Variants in MSL2 observed in about 807,000 individuals in gnomAD.
The protein encoded by MSL2 is MSL complex subunit 2, also known as E3 ubiquitin-protein ligase MSL2.
In MSL2, 2 loss-of-function variants were observed where a neutral mutation model predicts 35.8. The ratio of observed to expected loss-of-function variants is 0.06; its 90% confidence interval spans 0.02 to 0.18. The LOEUF (loss-of-function observed/expected upper bound fraction) is 0.18, where lower values mean the gene tolerates loss of function less well. Ranked by LOEUF, MSL2 falls within the 10% of genes least tolerant of loss-of-function variation. The pLI is 1.00. For synonymous variants in MSL2, 296 were observed against 255.7 expected (o/e 1.16, Z -1.50); for missense variants, 523 against 706.7 (o/e 0.74, Z 2.95).
intron 1 of MSL2, among the ~76,000 whole-genome samples, chr3:136,176,868 T>C (rs988425716): frequency 6.6e-6 from 1 of 152,114 alleles, no homozygotes; most frequent in Non-Finnish European, 1.5e-5. Flanking sequence ...TATCTTTTCT[T>C]TATAAATTAC....
At chr3:136,194,000 C>A (rs575454633) in intron 1 of MSL2, among the ~76,000 whole-genome samples, 1 of 152,278 alleles carries the variant, frequency 6.6e-6, no homozygotes, top group South Asian at 2.1e-4. Context: ...ACTCTTCTTC[C>A]TTTATCTACT....
intron 1 of MSL2, among the ~76,000 whole-genome samples, chr3:136,173,225 T>C (rs1327141092): frequency 1.3e-5 from 2 of 152,156 alleles, no homozygotes; most frequent in East Asian, 3.9e-4. Flanking sequence ...TGATTGCCCA[T>C]AAAGCTGTTT....
rs558555086 is a variant in MSL2, at chr3:136,166,994, T to C, written c.143-14256A>G. On this transcript the variant is annotated intron_variant, in intron 1 of 1. Coordinates refer to ENST00000309993, the MANE Select transcript of MSL2 (RefSeq NM_018133.4). ...AATTCTCCATTCTAACTGAAGTATT[T>C]AATGTCACAAATACTTTGACCAGAT... Among the ~76,000 whole-genome samples the C allele has an allele frequency of 7.9e-5, 12 of 152,320 alleles. No homozygotes were observed. In the East Asian group the frequency reaches 2.3e-3, roughly 29 times the overall value.
intron 1 of MSL2, among the ~76,000 whole-genome samples, chr3:136,163,370 G>A (rs1939762197): frequency 6.6e-6 from 1 of 152,166 alleles, no homozygotes. Context: ...AGCACTATGT[G>A]TGTGTGTATT....
intron 1 of MSL2, chr3:136,155,888 G>A: frequency 1.7e-6 from 1 of 575,054 alleles, no homozygotes; most frequent in Non-Finnish European, 3.5e-6. Context: ...ACCTGGCTGT[G>A]ATGGCCTTGT....
intron 1 of MSL2, among the ~76,000 whole-genome samples, chr3:136,163,859 G>T (rs1255320808): frequency 6.6e-6 from 1 of 152,158 alleles, no homozygotes; most frequent in African/African-American, 2.4e-5. Context: ...CTGCCACCAT[G>T]TGAAGAAGGT....
intron 1 of MSL2, among the ~76,000 whole-genome samples, chr3:136,184,067 G>A (rs561164538): frequency 4.0e-5 from 6 of 151,534 alleles, no homozygotes; most frequent in South Asian, 2.1e-4. Context: ...AGGCAAAGGC[G>A]GGCGGATCAC....
In MSL2 at chr3:136,148,949, T is replaced by C. The variant is rs945520589; in HGVS notation, c.*2198A>G. On this transcript the variant is annotated 3_prime_UTR_variant, in exon 2 of 2. Transcript: ENST00000309993. ...AGAAAACTATCATTTATTGATAGATTTAAGGTGTAATACAGGTTTCCAAAA... is the reference window on the plus strand; with the variant it reads ...AGAAAACTATCATTTATTGATAGATCTAAGGTGTAATACAGGTTTCCAAAA... The C allele has an allele frequency of 6.6e-6, 1 of 152,566 alleles. No individual in the cohort carries two copies. Among genetic ancestry groups the C allele is most frequent in the Non-Finnish European group, 1.5e-5 (1 of 68,014 alleles). The allele number at this position is 152,566 out of a possible 1,614,324, so 9.5% of individuals were successfully genotyped here. A position where few individuals can be genotyped will look rare whatever the true frequency, so the allele number is the denominator to read the frequency against.
chr3:136,184,156 G>A (rs567241748), intron 1 of MSL2, among the ~76,000 whole-genome samples: 146 of 152,108 alleles, frequency 9.6e-4, no homozygotes, highest in African/African-American at 3.3e-3. Context: ...TTAGCCGGGC[G>A]TTGACGGTGG....
At chr3:136,184,860 CAAT>C (rs1046023690) in intron 1 of MSL2, among the ~76,000 whole-genome samples, 2 of 151,728 alleles carry the variant, frequency 1.3e-5, no homozygotes, top group African/African-American at 4.9e-5. Context: ...TGATGCTAGC[CAAT>C]AATGGAATGC....
chr3:136,188,183 C>A (rs954085485), intron 1 of MSL2, among the ~76,000 whole-genome samples: 2 of 152,078 alleles, frequency 1.3e-5, no homozygotes, highest in African/African-American at 4.8e-5. Context: ...ACCTGTAATC[C>A]CACCACTTTG....
Position 136,195,028 on chromosome 3 carries a change from G to A in MSL2, c.86C>T (p.Thr29Ile). 2 of 1,614,160 alleles carry A rather than the reference G, an allele frequency of 1.2e-6. No individual in the cohort carries two copies. The highest frequency in any genetic ancestry group is 1.1e-5 in the South Asian group (1 of 91,072). Residue 29 changes from threonine (T) to isoleucine (I), a missense_variant, in exon 1 of 2, where the codon ACT (threonine) becomes ATT (isoleucine). Around this residue, in one of 5 missense-constraint regions of MSL2, gnomAD observed 45 missense variants for 47.5 expected, o/e 0.95. Transcript: ENST00000309993. The stretch of plus-strand genomic sequence containing the variant: ...GTAAGGCAAGAGCCTGTTAATCTCA[G>A]TAAACGCCTTGGGGTCTCCGGGGTC... ...NYDPGDPKAF[T>I]EINRLLPYFR...
rs761344261 is a variant in MSL2 at position 136,152,747 on chromosome 3, G to A, written c.143-9C>T. The A allele has an allele frequency of 5.6e-6, 9 of 1,604,828 alleles. No individual in the cohort carries two copies. Among genetic ancestry groups the A allele is most frequent in the South Asian group, 3.3e-5 (3 of 90,378 alleles). ...ATCTTGTAGCAAATGTCCTAAGGGGGAGAAGGAGGAAAGCAAAGATTTTAG... is the reference window on the plus strand; with the variant it reads ...ATCTTGTAGCAAATGTCCTAAGGGGAAGAAGGAGGAAAGCAAAGATTTTAG... On this transcript the variant is annotated splice_polypyrimidine_tract_variant and intron_variant, in intron 1 of 1. Coordinates refer to ENST00000309993, the MANE Select transcript of MSL2 (RefSeq NM_018133.4).
Position 136,149,205 on chromosome 3 carries a change from T to G in MSL2, c.*1942A>C, listed in dbSNP as rs1442391815. On this transcript the variant is annotated 3_prime_UTR_variant, in exon 2 of 2. Coordinates refer to ENST00000309993, the MANE Select transcript of MSL2 (RefSeq NM_018133.4). Reference sequence around the variant, plus strand: ...TTTTAAGATCATAATATTAGGAAAGTTTGGTCGATTTGCAAAATATATCCT... The same window carrying G: ...TTTTAAGATCATAATATTAGGAAAGGTTGGTCGATTTGCAAAATATATCCT... 2 of 152,136 alleles carry G rather than the reference T, an allele frequency of 1.3e-5. No homozygotes were observed. The highest frequency in any genetic ancestry group is 1.5e-5 in the Non-Finnish European group (1 of 67,944). 9.4% of individuals were successfully genotyped at this position (152,136 alleles called of 1,614,324 possible).
intron 1 of MSL2, among the ~76,000 whole-genome samples, chr3:136,183,835 G>A (rs1340115605): frequency 1.3e-5 from 2 of 152,182 alleles, no homozygotes; most frequent in Non-Finnish European, 2.9e-5. Flanking sequence ...TGTAAGAACA[G>A]AGAAAATAAT....
intron 1 of MSL2, among the ~76,000 whole-genome samples, chr3:136,170,419 TAA>T (rs1939992176): frequency 1.4e-5 from 2 of 146,270 alleles, no homozygotes; most frequent in South Asian, 4.6e-4. Context: ...GACCTTTCCA[TAA>T]AGACTCAATC....
In MSL2 at chr3:136,161,229, G is replaced by A. The variant is rs375597543; in HGVS notation, c.143-8491C>T. 3.3e-5 allele frequency among the ~76,000 whole-genome samples: 5 copies of A among 152,180 alleles called. No homozygotes were observed. In the East Asian group the frequency reaches 5.8e-4, roughly 18 times the overall value. ...CAATGCCAAAAGTTGGCAAAGATGT[G>A]AAGAAACTGGAACCCTTATATACTG... On this transcript the variant is annotated intron_variant, in intron 1 of 1. Coordinates refer to ENST00000309993, the MANE Select transcript of MSL2 (RefSeq NM_018133.4).
intron 1 of MSL2, among the ~76,000 whole-genome samples, chr3:136,168,909 C>G (rs575704306): frequency 6.6e-5 from 10 of 152,090 alleles, no homozygotes; most frequent in African/African-American, 2.4e-4. Context: ...TACTGATCAT[C>G]TAAGCATAGC....
At chr3:136,167,110 T>TTA in intron 1 of MSL2, among the ~76,000 whole-genome samples, 1 of 152,274 alleles carries the variant, frequency 6.6e-6, no homozygotes, top group East Asian at 1.9e-4. Flanking sequence ...TAGCAAAATT[T>TTA]GTTAACAACT....
Sources: gnomAD v4.1 joint callset for allele counts (sites outside exome capture counted in the v4.1 genomes callset) on GRCh38, gnomAD v4.1.1 for gene constraint, gnomAD v4.1.1 regional missense constraint, MANE v1.5 for transcripts, NCBI Gene and HGNC (gene_info 2026-07-23, HGNC 2026-07-21) for gene names.